The following C2orf74 variants were observed in gnomAD, a reference collection of about 807,000 sequenced individuals.
C2orf74 encodes uncharacterized protein C2orf74.
A neutral mutation model predicts 17.9 loss-of-function variants in C2orf74; 14 were observed. The ratio of observed to expected loss-of-function variants is 0.78; its 90% CI spans 0.52 to 1.22. The LOEUF is 1.22. C2orf74 is among the 50% of genes most tolerant of loss of function. The pLI is 0.00. For synonymous variants in C2orf74, 79 were observed against 72.6 expected (o/e 1.09, Z -0.44); for missense variants, 217 against 218.4 (o/e 0.99, Z 0.04).
upstream of C2orf74, among the ~76,000 whole-genome samples, chr2:61,160,058 A>G (rs990833450): frequency 6.6e-6 from 1 of 152,174 alleles, no homozygotes; most frequent in African/African-American, 2.4e-5. Flanking sequence ...GGTACCTCAT[A>G]TAAGTGGAAT....
chr2:61,162,873 A>C lies in C2orf74; in HGVS notation c.127A>C (p.Lys43Gln). The change falls in exon 3 of 5, where the codon AAA (lysine) becomes CAA (glutamine). Residue 43 changes from lysine (K) to glutamine (Q), a missense_variant. By Grantham distance (53) the Lys-to-Gln change is moderately conservative. Coordinates refer to ENST00000432605, the MANE Select transcript of C2orf74 (RefSeq NM_001143959.4). ...FQGRKGKETK[K>Q]VPCTDANGGV... ...AGGCAGGAAAGGTAAAGAGACAAAGAAAGTGCCTTGTACAGATGCAAACGG... is the reference window on the plus strand; with the variant it reads ...AGGCAGGAAAGGTAAAGAGACAAAGCAAGTGCCTTGTACAGATGCAAACGG... The C allele has an allele frequency of 6.4e-7, 1 of 1,552,478 alleles. No homozygotes were observed. The highest frequency in any genetic ancestry group is 8.7e-7 in the Non-Finnish European group (1 of 1,147,122).
chr2:61,155,725 T>G (rs1347806392), intron 1 of C2orf74, among the ~76,000 whole-genome samples: 1 of 152,072 alleles, frequency 6.6e-6, no homozygotes, highest in African/African-American at 2.4e-5. Flanking sequence ...TTTCACCGTG[T>G]TAGCCAGGAT....
intron 1 of C2orf74, among the ~76,000 whole-genome samples, chr2:61,145,974 A>G (rs1479948859): frequency 2.0e-5 from 3 of 152,224 alleles, no homozygotes; most frequent in African/African-American, 4.8e-5. Flanking sequence ...GAATGCAGCA[A>G]TCCTTAGTGG....
upstream of C2orf74, among the ~76,000 whole-genome samples, chr2:61,160,170 T>TC (rs1280222893): frequency 6.6e-6 from 1 of 152,020 alleles, no homozygotes; most frequent in Non-Finnish European, 1.5e-5. Flanking sequence ...TTCCTTTTTT[T>TC]TTTTTGAGAT....
chr2:61,160,042 A>C (rs1685514958), upstream of C2orf74, among the ~76,000 whole-genome samples: 1 of 152,118 alleles, frequency 6.6e-6, no homozygotes, highest in Non-Finnish European at 1.5e-5. Flanking sequence ...GAATTTGACT[A>C]TTTCAGGTAC....
chr2:61,149,061 C>T (rs979138105), intron 1 of C2orf74, among the ~76,000 whole-genome samples: 2 of 152,192 alleles, frequency 1.3e-5, no homozygotes, highest in Admixed American at 1.3e-4. Flanking sequence ...TCTGTCTAAC[C>T]TCCTGGTACA....
At chr2:61,152,879 C>G (rs573123026) in intron 1 of C2orf74, among the ~76,000 whole-genome samples, 14 of 143,730 alleles carry the variant, frequency 9.7e-5, no homozygotes, top group African/African-American at 3.1e-4. Flanking sequence ...AAGCCAGGCG[C>G]GCGCGGTGGC....
At chr2:61,155,865 T>G (rs939578175) in intron 1 of C2orf74, among the ~76,000 whole-genome samples, 15 of 151,902 alleles carry the variant, frequency 9.9e-5, no homozygotes, top group Non-Finnish European at 1.9e-4. Context: ...AGCAGAACAT[T>G]GCTTTTTTCT....
At position 61,164,510 on chromosome 2, in the gene C2orf74, C is replaced by A; in HGVS notation, c.547C>A (p.His183Asn). ...TACACCTCGAAGCTATACTCGAGAA[C>A]ATAAAGAGAGGAAATGAAGCTCAAA... ...YPTPRSYTRE[H>N]KERK The change falls in exon 5 of 5, where the codon CAT (histidine) becomes AAT (asparagine). Residue 183 changes from histidine to asparagine, a missense_variant. Coordinates refer to ENST00000432605, the MANE Select transcript of C2orf74 (RefSeq NM_001143959.4). 3 of 1,523,530 alleles carry A rather than the reference C, an allele frequency of 2.0e-6. No individual in the cohort carries two copies. The highest frequency in any genetic ancestry group is 2.5e-5 in the East Asian group (1 of 40,020). The allele number at this position is 1,523,530 out of a possible 1,614,324, so 94.4% of individuals were successfully genotyped here. A position where few individuals can be genotyped will look rare whatever the true frequency, so the allele number is the denominator to read the frequency against.
upstream of C2orf74, among the ~76,000 whole-genome samples, chr2:61,161,105 G>C (rs1017583534): frequency 6.6e-6 from 1 of 152,008 alleles, no homozygotes; most frequent in East Asian, 1.9e-4. Flanking sequence ...CCCCCTATTG[G>C]GTATGAGGTG....
At chr2:61,149,574 CTTTTT>C (rs70959895) in intron 1 of C2orf74, among the ~76,000 whole-genome samples, 89 of 79,998 alleles carry the variant, frequency 1.1e-3, no homozygotes, top group African/African-American at 4.5e-3. Context: ...GGGCGCCTTT[CTTTTT>C]TTTTTTTTTT....
chr2:61,164,212 G>A (rs1685660234), intron 4 of C2orf74, 142 bp from the exon 5 acceptor site: 3 of 620,050 alleles, frequency 4.8e-6, no homozygotes, highest in Admixed American at 7.7e-5. Context: ...ATGTGATCAT[G>A]ATGGATTATT....
chr2:61,148,526 C>T (rs916238588), intron 1 of C2orf74, among the ~76,000 whole-genome samples: 6 of 152,102 alleles, frequency 3.9e-5, no homozygotes, highest in Non-Finnish European at 5.9e-5. Context: ...TATTGTTTTA[C>T]TTGTTTTGGA....
chr2:61,147,984 G>A (rs959610918), intron 1 of C2orf74, among the ~76,000 whole-genome samples: 1 of 151,466 alleles, frequency 6.6e-6, no homozygotes, highest in African/African-American at 2.4e-5. Context: ...GCCCAGGCTG[G>A]TCTCAAACTC....
At position 61,164,618 on chromosome 2, in the gene C2orf74, A is replaced by G; in HGVS notation, c.*91A>G. On this transcript the variant is annotated 3_prime_UTR_variant, in exon 5 of 5. Transcript: ENST00000432605. ...CAAAATCATGTTGAAACAACAAAAC[A>G]ATGGGGAATTAAGCAAATAAAGATA... 9.6e-7 allele frequency: 1 copy of G among 1,043,462 alleles called. No individual in the cohort carries two copies. The highest frequency in any genetic ancestry group is 1.3e-6 in the Non-Finnish European group (1 of 772,176). The allele number at this position is 1,043,462 out of a possible 1,614,324, so 64.6% of individuals were successfully genotyped here.
At chr2:61,150,755 A>G (rs1484998224) in intron 1 of C2orf74, among the ~76,000 whole-genome samples, 2 of 152,140 alleles carry the variant, frequency 1.3e-5, no homozygotes, top group African/African-American at 4.8e-5. Context: ...ATAGCTCATC[A>G]CTTTTGTTGG....
chr2:61,164,632 C>A lies in C2orf74; in HGVS notation c.*105C>A. 1.1e-6 allele frequency: 1 copy of A among 935,416 alleles called. No individual in the cohort carries two copies. The highest frequency in any genetic ancestry group is 1.5e-6 in the Non-Finnish European group (1 of 677,416). 57.9% of individuals were successfully genotyped at this position (935,416 alleles called of 1,614,324 possible). Reference sequence around the variant, plus strand: ...AACAACAAAACAATGGGGAATTAAGCAAATAAAGATATTATTTTACCTTTG... The same window carrying A: ...AACAACAAAACAATGGGGAATTAAGAAAATAAAGATATTATTTTACCTTTG... On this transcript the variant is annotated 3_prime_UTR_variant, in exon 5 of 5. Coordinates refer to ENST00000432605, the MANE Select transcript of C2orf74 (RefSeq NM_001143959.4).
At chr2:61,162,804 T>C (rs1160023060) in intron 2 of C2orf74, 38 bp from the exon 3 acceptor site, 13 of 1,502,588 alleles carry the variant, frequency 8.7e-6, no homozygotes, top group Non-Finnish European at 1.2e-5. Flanking sequence ...ATCAGGGCCA[T>C]TCTTCCTTTT....
intron 4 of C2orf74, among the ~76,000 whole-genome samples, 152 bp downstream of exon 4, chr2:61,163,384 G>A (rs757385993): frequency 6.6e-6 from 1 of 152,080 alleles, no homozygotes; most frequent in Non-Finnish European, 1.5e-5. Flanking sequence ...CAAGGAGGGC[G>A]GATCACGAGG....
Sources: gnomAD v4.1 joint callset for allele counts (sites outside exome capture counted in the v4.1 genomes callset) on GRCh38, gnomAD v4.1.1 for gene constraint, MANE v1.5 for transcripts, NCBI Gene and HGNC (gene_info 2026-07-23, HGNC 2026-07-21) for gene names.